Variants in DOK6 observed in about 807,000 individuals in gnomAD.
DOK6 encodes the protein docking protein 6, also known as downstream of tyrosine kinase 6.
In DOK6, 22 loss-of-function variants were observed where a neutral mutation model predicts 44.0. The ratio of observed to expected loss-of-function variants is 0.50; its 90% CI spans 0.36 to 0.71. The LOEUF is 0.71. Among genes scored for constraint, DOK6 ranks in the 30% least tolerant of loss-of-function variants. The pLI is 0.00. For synonymous variants in DOK6, 166 were observed against 145.5 expected (o/e 1.14, Z -1.01); for missense variants, 340 against 416.4 (o/e 0.82, Z 1.60).
chr18:69,469,124 A>C (rs971679905), intron 1 of DOK6, among the ~76,000 whole-genome samples: 14 of 152,246 alleles, frequency 9.2e-5, no homozygotes, highest in African/African-American at 3.4e-4. Context: ...ACTTCAAAGT[A>C]ACATAAAGAG....
At chr18:69,693,756 T>G (rs1384456177) in intron 4 of DOK6, among the ~76,000 whole-genome samples, 1 of 152,044 alleles carries the variant, frequency 6.6e-6, no homozygotes, top group Non-Finnish European at 1.5e-5. Flanking sequence ...GATTTGTTCC[T>G]GCATAAAATA....
chr18:69,779,058 T>C (rs1790596), intron 7 of DOK6, among the ~76,000 whole-genome samples: 76,652 of 151,934 alleles, frequency 0.5, 21,555 homozygotes, highest in East Asian at 0.87. Flanking sequence ...AAAAAAGCAT[T>C]AGATGCTTAT....
chr18:69,534,874 A>G (rs1235916814), intron 1 of DOK6, among the ~76,000 whole-genome samples: 1 of 152,120 alleles, frequency 6.6e-6, no homozygotes, highest in Non-Finnish European at 1.5e-5. Flanking sequence ...TTCACAAGGA[A>G]TATTCCACTT....
At chr18:69,488,708 G>A (rs1433239588) in intron 1 of DOK6, among the ~76,000 whole-genome samples, 3 of 152,164 alleles carry the variant, frequency 2.0e-5, no homozygotes, top group African/African-American at 7.2e-5. Flanking sequence ...AGAACAGCAA[G>A]GGAAAAACCT....
intron 7 of DOK6, among the ~76,000 whole-genome samples, chr18:69,763,711 T>A (rs1397749451): frequency 1.3e-5 from 2 of 152,236 alleles, no homozygotes; most frequent in Non-Finnish European, 2.9e-5. Flanking sequence ...TCACCTTGAC[T>A]TTTAATCACC....
At chr18:69,618,420 G>C (rs1984363132) in intron 3 of DOK6, 1 of 153,414 alleles carries the variant, frequency 6.5e-6, no homozygotes, top group East Asian at 1.9e-4. Flanking sequence ...TAGAGGCAGG[G>C]GCAGAAGAGT....
chr18:69,735,235 T>C (rs17791575), intron 5 of DOK6, among the ~76,000 whole-genome samples: 4,045 of 152,304 alleles, frequency 0.027, 80 homozygotes, highest in Non-Finnish European at 0.041. Context: ...AGGAATGTAA[T>C]TTGACAAACA....
intron 5 of DOK6, among the ~76,000 whole-genome samples, chr18:69,702,045 T>C (rs1986532731): frequency 6.6e-6 from 1 of 151,536 alleles, no homozygotes. Flanking sequence ...TTATATACAC[T>C]ATAAGGTCTA....
intron 1 of DOK6, among the ~76,000 whole-genome samples, chr18:69,487,282 C>T (rs146700036): frequency 6.6e-6 from 1 of 151,288 alleles, no homozygotes; most frequent in African/African-American, 2.4e-5. Flanking sequence ...TGTCCTGTTA[C>T]AGTCTTTCAA....
At position 69,434,065 on chromosome 18, in the gene DOK6, A is replaced by G. The variant is rs967194487; in HGVS notation, c.66+32755A>G. Among the ~76,000 whole-genome samples the G allele has an allele frequency of 7.9e-5, 12 of 152,160 alleles. 1 individual carries two copies. The highest frequency in any genetic ancestry group is 1.8e-4 in the Non-Finnish European group (12 of 68,030). On this transcript the variant is annotated intron_variant, in intron 1 of 7. Coordinates refer to ENST00000382713, the MANE Select transcript of DOK6 (RefSeq NM_152721.6). Reference sequence around the variant, plus strand: ...TCATACATTTTAACTATTTCTTACTAATTTTTAACTTCTCTTCCAAGCATA... The same window carrying G: ...TCATACATTTTAACTATTTCTTACTGATTTTTAACTTCTCTTCCAAGCATA...
intron 7 of DOK6, among the ~76,000 whole-genome samples, chr18:69,764,970 C>T (rs539654288): frequency 4.6e-5 from 7 of 152,234 alleles, no homozygotes; most frequent in East Asian, 1.9e-4. Context: ...AGGCATTTGA[C>T]GCTCACGGAA....
intron 1 of DOK6, among the ~76,000 whole-genome samples, chr18:69,524,114 T>C (rs1981763748): frequency 6.6e-6 from 1 of 152,036 alleles, no homozygotes; most frequent in Non-Finnish European, 1.5e-5. Context: ...ATGACTTTTG[T>C]ATTCTGGAGT....
chr18:69,627,671 G>A (rs369524630), intron 3 of DOK6, among the ~76,000 whole-genome samples: 33 of 152,022 alleles, frequency 2.2e-4, no homozygotes, highest in South Asian at 4.2e-4. Flanking sequence ...GGATGGTCTC[G>A]ATCTCCTGAC....
At chr18:69,706,469 C>A (rs1439810382) in intron 5 of DOK6, among the ~76,000 whole-genome samples, 1 of 151,868 alleles carries the variant, frequency 6.6e-6, no homozygotes, top group Non-Finnish European at 1.5e-5. Flanking sequence ...GAGAATAGAG[C>A]CTCTTATTTT....
intron 7 of DOK6, among the ~76,000 whole-genome samples, chr18:69,764,429 G>A (rs1036071603): frequency 1.3e-5 from 2 of 152,102 alleles, no homozygotes; most frequent in African/African-American, 4.8e-5. Flanking sequence ...CCTCATGGGC[G>A]GTCATTAGGT....
intron 6 of DOK6, among the ~76,000 whole-genome samples, chr18:69,744,925 TAAA>T (rs58133144): frequency 3.3e-5 from 3 of 89,804 alleles, no homozygotes; most frequent in African/African-American, 9.4e-5. Flanking sequence ...ACACTCCATC[TAAA>T]AAAAAAAAAA....
rs200837353 is a variant in DOK6, at chr18:69,720,186, CA to C, written c.600-18769del. On this transcript the variant is annotated intron_variant, in intron 5 of 7. Coordinates refer to ENST00000382713, the MANE Select transcript of DOK6 (RefSeq NM_152721.6). ...CCTGGGCAACAGAGGGAGACTGACT[CA>C]AAAAAAAAATTTTTTTTTTAAAGCA... Among the ~76,000 whole-genome samples the C allele has an allele frequency of 1.5e-3, 223 of 149,710 alleles. 2 individuals are homozygous for C. The highest frequency in any genetic ancestry group is 0.014 in the South Asian group (64 of 4,698).
intron 1 of DOK6, among the ~76,000 whole-genome samples, chr18:69,403,766 G>A (rs1916146319): frequency 6.6e-6 from 1 of 152,068 alleles, no homozygotes; most frequent in Non-Finnish European, 1.5e-5. Context: ...AGTTAAGTGA[G>A]TCCCATAAGA....
chr18:69,577,377 A>G (rs1983263487), intron 2 of DOK6, among the ~76,000 whole-genome samples: 1 of 152,154 alleles, frequency 6.6e-6, no homozygotes, highest in East Asian at 1.9e-4. Context: ...GGAAGTTCCC[A>G]AAGTGATCAT....
Sources: gnomAD v4.1 joint callset for allele counts (sites outside exome capture counted in the v4.1 genomes callset) on GRCh38, gnomAD v4.1.1 for gene constraint, MANE v1.5 for transcripts, NCBI Gene and HGNC (gene_info 2026-07-23, HGNC 2026-07-21) for gene names.